The following DLEU7 variants were observed in gnomAD, a reference collection of about 807,000 sequenced individuals.
DLEU7 encodes the protein deleted in lymphocytic leukemia 7, also known as leukemia-associated protein 7.
Under a neutral mutation model 16.0 loss-of-function variants are expected in DLEU7, and 17 were observed. That is an observed-to-expected ratio of 1.06 (90% CI 0.73 to 1.59). The LOEUF is 1.59. Ranked by LOEUF, DLEU7 falls within the 40% of genes most tolerant of loss-of-function variation. The pLI is 0.00. For missense variants in DLEU7, 308 were observed against 314.9 expected, an observed-to-expected ratio of 0.98 and a Z score of 0.17; for synonymous variants, 113 against 139.8, an observed-to-expected ratio of 0.81 and a Z score of 1.35.
chr13:50,773,885 A>C (rs1334800864), intron 1 of DLEU7, among the ~76,000 whole-genome samples: 1 of 152,156 alleles, frequency 6.6e-6, no homozygotes, highest in Admixed American at 6.5e-5. Context: ...CCAGAGATGG[A>C]GTCTACAGAG....
intron 1 of DLEU7, among the ~76,000 whole-genome samples, chr13:50,829,987 T>A (rs1877210438): frequency 6.6e-6 from 1 of 152,214 alleles, no homozygotes; most frequent in Non-Finnish European, 1.5e-5. Flanking sequence ...TCACTTAGGA[T>A]GCTTTCCATT....
chr13:50,775,121 G>A (rs1875455360), intron 1 of DLEU7, among the ~76,000 whole-genome samples: 2 of 151,064 alleles, frequency 1.3e-5, no homozygotes, highest in Admixed American at 1.3e-4. Flanking sequence ...TTATTCTCTG[G>A]GGTATGTGTT....
intron 1 of DLEU7, among the ~76,000 whole-genome samples, chr13:50,742,880 C>T (rs993413904): frequency 1.3e-5 from 2 of 152,052 alleles, no homozygotes; most frequent in East Asian, 1.9e-4. Context: ...AGTTTGCTGA[C>T]GTCCTATATA....
chr13:50,823,306 T>C lies in DLEU7; in HGVS notation c.*8A>G, dbSNP rs1400110862. On this transcript the variant is annotated 3_prime_UTR_variant, in exon 2 of 2. Coordinates refer to ENST00000504404, the MANE Select transcript of DLEU7 (RefSeq NM_001306135.2). ...TGGCTGTGGTTTTACTCCCGATGCC[T>C]TTAACACTCATATGTCTGGGAGATT... 1.3e-6 allele frequency: 2 copies of C among 1,535,258 alleles called. No homozygotes were observed. Among genetic ancestry groups the C allele is most frequent in the East Asian group, 2.4e-5 (1 of 40,902 alleles).
chr13:50,788,081 C>T (rs371355598), intron 1 of DLEU7, among the ~76,000 whole-genome samples: 3 of 152,326 alleles, frequency 2.0e-5, no homozygotes, highest in African/African-American at 7.2e-5. Context: ...CTGATAGCAT[C>T]TCTATCTCTC....
intron 1 of DLEU7, among the ~76,000 whole-genome samples, chr13:50,760,915 T>C (rs1261841847): frequency 2.6e-5 from 4 of 152,280 alleles, no homozygotes; most frequent in African/African-American, 9.6e-5. Context: ...GGGCCTATGA[T>C]TCATTTGGGG....
At chr13:50,832,339 TA>T (rs1178912908) in intron 1 of DLEU7, among the ~76,000 whole-genome samples, 2 of 152,204 alleles carry the variant, frequency 1.3e-5, no homozygotes, top group African/African-American at 4.8e-5. Context: ...ATAGCCCCTT[TA>T]TCATTTTTAT....
chr13:50,717,092 G>A (rs1873459027), intron 1 of DLEU7, among the ~76,000 whole-genome samples: 4 of 152,196 alleles, frequency 2.6e-5, no homozygotes, highest in Admixed American at 6.5e-5. Flanking sequence ...TGGCTTTTTA[G>A]GATCTTTAAT....
At chr13:50,824,842 G>A (rs982228252) in intron 1 of DLEU7, among the ~76,000 whole-genome samples, 1 of 152,202 alleles carries the variant, frequency 6.6e-6, no homozygotes, top group African/African-American at 2.4e-5. Flanking sequence ...TGCCTATGTT[G>A]AAGATGGAGT....
At position 50,843,460 on chromosome 13, in the gene DLEU7, GC is replaced by G; in HGVS notation, c.186del (p.Arg65AlafsTer26). 2.3e-6 allele frequency: 3 copies of G among 1,325,196 alleles called. No homozygotes were observed. Among genetic ancestry groups the G allele is most frequent in the Non-Finnish European group, 1.9e-6 (2 of 1,045,080 alleles). The allele number at this position is 1,325,196 out of a possible 1,614,324, so 82.1% of individuals were successfully genotyped here. A position where few individuals can be genotyped will look rare whatever the true frequency, so the allele number is the denominator to read the frequency against. On this transcript the variant is annotated frameshift_variant, in exon 1 of 2. Transcript: ENST00000504404. LOFTEE classifies it high-confidence loss of function. The surrounding 1 kb of genome is among the most constrained non-coding windows in gnomAD (Gnocchi z 5.7). ...RRSGPPRARP[G>X]PGREERGGGV... ...CCCCCGCCCCGCTCCTCGCGCCCGG[GC>G]CCCGGCCGGGCCCGCGGCGGGCCTG...
intron 1 of DLEU7, among the ~76,000 whole-genome samples, chr13:50,814,871 A>G (rs1736232892): frequency 6.6e-6 from 1 of 151,150 alleles, no homozygotes; most frequent in Admixed American, 6.6e-5. Context: ...TGGTTTTGCT[A>G]TTGTACTACA....
At chr13:50,781,742 T>G (rs1009538079) in intron 1 of DLEU7, among the ~76,000 whole-genome samples, 1 of 152,124 alleles carries the variant, frequency 6.6e-6, no homozygotes, top group African/African-American at 2.4e-5. Context: ...CTCAGAACAC[T>G]AGGAAGTTGT....
At chr13:50,831,620 C>T (rs887059934) in intron 1 of DLEU7, among the ~76,000 whole-genome samples, 2 of 152,142 alleles carry the variant, frequency 1.3e-5, no homozygotes, top group Non-Finnish European at 1.5e-5. Context: ...AACATGCAAA[C>T]CAGCTTTTGA....
intron 1 of DLEU7, among the ~76,000 whole-genome samples, chr13:50,788,416 A>C (rs948178859): frequency 3.3e-5 from 5 of 152,218 alleles, no homozygotes; most frequent in African/African-American, 1.2e-4. Context: ...AACACTGACG[A>C]ATAATACCAA....
At chr13:50,815,080 C>T (rs891521150) in intron 1 of DLEU7, among the ~76,000 whole-genome samples, 1 of 151,978 alleles carries the variant, frequency 6.6e-6, no homozygotes, top group Non-Finnish European at 1.5e-5. Context: ...ATTTATTTGG[C>T]AAACTGTTTT....
intron 1 of DLEU7, among the ~76,000 whole-genome samples, chr13:50,736,886 C>T (rs2137721542): frequency 6.6e-6 from 1 of 151,734 alleles, no homozygotes. Context: ...GAAGTAGATA[C>T]CAAAAATTTA....
chr13:50,789,716 A>G (rs941894788), intron 1 of DLEU7, among the ~76,000 whole-genome samples: 7 of 152,174 alleles, frequency 4.6e-5, no homozygotes, highest in Non-Finnish European at 1.0e-4. Flanking sequence ...TGTTAGCCCT[A>G]TAACGGACCC....
intron 1 of DLEU7, among the ~76,000 whole-genome samples, chr13:50,766,440 A>G (rs1468400112): frequency 6.6e-6 from 1 of 151,390 alleles, no homozygotes; most frequent in Admixed American, 6.6e-5. Context: ...AATGAGAATA[A>G]GAGAATAAAT....
At chr13:50,723,514 T>C (rs1245216573) in intron 1 of DLEU7, among the ~76,000 whole-genome samples, 1 of 152,020 alleles carries the variant, frequency 6.6e-6, no homozygotes, top group Non-Finnish European at 1.5e-5. Flanking sequence ...AGAAATTTGT[T>C]TTTCAGGGTT....
Sources: gnomAD v4.1 joint callset for allele counts (sites outside exome capture counted in the v4.1 genomes callset) on GRCh38, gnomAD v4.1.1 for gene constraint, Gnocchi (gnomAD v3.1) non-coding constraint, MANE v1.5 for transcripts, NCBI Gene and HGNC (gene_info 2026-07-23, HGNC 2026-07-21) for gene names.